The following GPHN variants were observed in gnomAD, a reference collection of about 807,000 sequenced individuals.
GPHN encodes gephyrin.
A neutral mutation model predicts 95.5 loss-of-function variants in GPHN; 17 were observed. The ratio of observed to expected loss-of-function variants is 0.18; its 90% CI spans 0.12 to 0.27. The LOEUF (loss-of-function observed/expected upper bound fraction) is 0.27, where lower values mean the gene tolerates loss of function less well. Among genes scored for constraint, GPHN ranks in the 10% least tolerant of loss-of-function variants. The pLI is 1.00. For missense variants in GPHN, 660 were observed against 978.1 expected (o/e 0.67, Z 4.34); for synonymous variants, 320 against 322.5 (o/e 0.99, Z 0.08).
the GPHN span, among the ~76,000 whole-genome samples, chr14:67,632,516 G>GT: frequency 1.3e-5 from 2 of 152,112 alleles, no homozygotes; most frequent in Non-Finnish European, 2.9e-5. Flanking sequence ...AACACAGGAG[G>GT]TGGTTTTGCA....
At chr14:67,103,511 CTTTTTTTTTTTT>C in intron 13 of GPHN, among the ~76,000 whole-genome samples, 3 of 53,400 alleles carry the variant, frequency 5.6e-5, no homozygotes, top group South Asian at 1.5e-3. Context: ...GTTTCTTTCT[CTTTTTTTTTTTT>C]TTTTTTTTTT....
chr14:67,241,233 G>C, the GPHN span: 1 of 152,458 alleles, frequency 6.6e-6, no homozygotes, highest in Non-Finnish European at 1.5e-5. Context: ...CACGGGCGGG[G>C]TGGGACTCGG....
chr14:66,821,016 C>T (rs575906352), intron 3 of GPHN, among the ~76,000 whole-genome samples: 1 of 152,248 alleles, frequency 6.6e-6, no homozygotes, highest in Admixed American at 6.5e-5. Flanking sequence ...CTCAGCCTCA[C>T]TTTTGCAACA....
At chr14:67,052,788 A>G (rs1473159904) in intron 10 of GPHN, among the ~76,000 whole-genome samples, 1 of 152,202 alleles carries the variant, frequency 6.6e-6, no homozygotes, top group Non-Finnish European at 1.5e-5. Context: ...CAAGGTTAAG[A>G]AACTCACTCA....
At chr14:66,782,833 A>C (rs1472387566) in intron 3 of GPHN, among the ~76,000 whole-genome samples, 1 of 152,116 alleles carries the variant, frequency 6.6e-6, no homozygotes, top group African/African-American at 2.4e-5. Flanking sequence ...ACTCCATCTC[A>C]AAAACAAACA....
chr14:67,310,805 A>G, the GPHN span, among the ~76,000 whole-genome samples: 310 of 152,322 alleles, frequency 2.0e-3, no homozygotes, highest in African/African-American at 7.0e-3. Flanking sequence ...TGACAAGCCA[A>G]AAATTTTTTA....
chr14:66,725,896 A>T (rs1339573157), intron 2 of GPHN, among the ~76,000 whole-genome samples: 1 of 152,208 alleles, frequency 6.6e-6, no homozygotes, highest in Non-Finnish European at 1.5e-5. Flanking sequence ...AAAACTGATA[A>T]CTTACTGACT....
the GPHN span, among the ~76,000 whole-genome samples, chr14:67,401,314 T>C: frequency 6.3e-3 from 964 of 152,030 alleles, 10 homozygotes; most frequent in African/African-American, 0.022. Flanking sequence ...TAGGAAGACC[T>C]CATCTCTATT....
the GPHN span, chr14:67,620,833 C>A: frequency 1.7e-5 from 26 of 1,573,020 alleles, no homozygotes; most frequent in South Asian, 3.3e-5. Flanking sequence ...CTAAATGTAC[C>A]AAATGGGTTT....
At chr14:67,165,607 T>C (rs2082231429) in intron 20 of GPHN, among the ~76,000 whole-genome samples, 1 of 152,186 alleles carries the variant, frequency 6.6e-6, no homozygotes, top group Non-Finnish European at 1.5e-5. Flanking sequence ...AGAAGTATTG[T>C]GCTCTAGAGG....
the GPHN span, among the ~76,000 whole-genome samples, chr14:67,239,417 T>A: frequency 1.3e-5 from 2 of 152,092 alleles, no homozygotes; most frequent in Non-Finnish European, 2.9e-5. Context: ...CTTCTAAACA[T>A]CCTATGATGC....
chr14:66,816,417 A>G (rs1225234187), intron 3 of GPHN, among the ~76,000 whole-genome samples: 1 of 152,200 alleles, frequency 6.6e-6, no homozygotes, highest in Admixed American at 6.5e-5. Flanking sequence ...AACGCTCTTG[A>G]GGAAATACAA....
At chr14:66,686,773 A>T (rs1466781659) in intron 2 of GPHN, among the ~76,000 whole-genome samples, 1 of 152,192 alleles carries the variant, frequency 6.6e-6, no homozygotes, top group African/African-American at 2.4e-5. Context: ...CCTGGCCAGA[A>T]CTTCCAACAT....
chr14:67,459,954 G>C, the GPHN span, among the ~76,000 whole-genome samples: 2 of 152,142 alleles, frequency 1.3e-5, no homozygotes, highest in African/African-American at 4.8e-5. Flanking sequence ...AGCAGTAGGG[G>C]GATAGCTAAG....
the GPHN span, chr14:67,575,351 T>C: frequency 8.3e-7 from 1 of 1,206,362 alleles, no homozygotes; most frequent in Middle Eastern, 1.9e-4. Flanking sequence ...ACTTCTAGAG[T>C]TACCTAGTTC....
chr14:66,845,973 A>G (rs2062320502), intron 4 of GPHN, among the ~76,000 whole-genome samples: 1 of 152,154 alleles, frequency 6.6e-6, no homozygotes, highest in African/African-American at 2.4e-5. Context: ...ACCTTATAAG[A>G]ATTTAAAAAG....
At chr14:66,668,475 T>A (rs1477883816) in intron 1 of GPHN, among the ~76,000 whole-genome samples, 1 of 152,152 alleles carries the variant, frequency 6.6e-6, no homozygotes. Flanking sequence ...AGATATGTCC[T>A]TTGCAGGGAC....
intron 9 of GPHN, among the ~76,000 whole-genome samples, chr14:66,991,915 A>T (rs2071454537): frequency 6.6e-6 from 1 of 151,720 alleles, no homozygotes; most frequent in South Asian, 2.1e-4. Flanking sequence ...ATAGAATAAG[A>T]TAATCCAAAG....
chr14:67,073,460 A>G (rs145784204), intron 11 of GPHN, among the ~76,000 whole-genome samples: 184 of 152,296 alleles, frequency 1.2e-3, no homozygotes, highest in African/African-American at 4.4e-3. Context: ...ATTTTTAAAA[A>G]TTATTCTTCC....
Sources: gnomAD v4.1 joint callset for allele counts (sites outside exome capture counted in the v4.1 genomes callset) on GRCh38, gnomAD v4.1.1 for gene constraint, MANE v1.5 for transcripts, NCBI Gene and HGNC (gene_info 2026-07-23, HGNC 2026-07-21) for gene names.